CYP2F1: variants seen among roughly 807,000 people sequenced by gnomAD.
CYP2F1 encodes cytochrome P450 2F1.
A neutral mutation model predicts 40.4 loss-of-function variants in CYP2F1; 33 were observed. The observed-to-expected ratio is 0.82, with a 90% CI of 0.62 to 1.09. The LOEUF (loss-of-function observed/expected upper bound fraction) is 1.09. Among genes scored for constraint, CYP2F1 ranks in the 50% least tolerant of loss-of-function variants. The pLI is 0.00. For missense variants in CYP2F1, 566 were observed against 655.7 expected (o/e 0.86, Z 1.49); for synonymous variants, 235 against 277.2 (o/e 0.85, Z 1.51).
At chr19:41,116,959 A>C (rs115929659) in intron 3 of CYP2F1, among the ~76,000 whole-genome samples, 2,065 of 151,816 alleles carry the variant, frequency 0.014, 41 homozygotes, top group African/African-American at 0.039. Flanking sequence ...ACCTCAACCC[A>C]ATCCCAGTCC....
chr19:41,123,777 G>A (rs1240913287), intron 7 of CYP2F1, among the ~76,000 whole-genome samples: 1 of 152,082 alleles, frequency 6.6e-6, no homozygotes, highest in Non-Finnish European at 1.5e-5. Context: ...TCTCACCTTG[G>A]CCTCCCAAAG....
chr19:41,120,433 A>G lies in CYP2F1; in HGVS notation c.421A>G (p.Ser141Gly). 2.5e-6 allele frequency: 4 copies of G among 1,614,076 alleles called. No individual in the cohort carries two copies. Among genetic ancestry groups the G allele is most frequent in the Non-Finnish European group, 3.4e-6 (4 of 1,179,972 alleles). Residue 141 changes from serine (S) to glycine (G), a missense_variant, in exon 4 of 10, where the codon AGC becomes GGC. This residue lies in a region of CYP2F1 where 264 missense variants were observed against 275.7 expected (regional missense o/e 0.96). Coordinates refer to ENST00000331105, the MANE Select transcript of CYP2F1 (RefSeq NM_000774.5). ...ACGGAATTTCGGGATGGGGAAGAGA[A>G]GCATTGAGGAGCGAATCCTAGAGGA... ...ILRNFGMGKR[S>G]IEERILEEGS... is the part of the protein sequence containing the mutation.
intron 9 of CYP2F1, among the ~76,000 whole-genome samples, chr19:41,127,523 G>A (rs2032590430): frequency 6.6e-6 from 1 of 151,974 alleles, no homozygotes. Context: ...TTGTAGAGAT[G>A]GGATCTTGCT....
chr19:41,119,766 C>T (rs2032070868), intron 3 of CYP2F1, among the ~76,000 whole-genome samples: 3 of 131,460 alleles, frequency 2.3e-5, no homozygotes, highest in Admixed American at 8.1e-5. Context: ...CACACACACA[C>T]ACACACACAC....
At chr19:41,123,177 G>A (rs531832836) in intron 7 of CYP2F1, 8 of 684,274 alleles carry the variant, frequency 1.2e-5, no homozygotes, top group African/African-American at 7.0e-5. Context: ...GATCCCACCC[G>A]CTTAATTGTT....
intron 4 of CYP2F1, 129 bp downstream of exon 4, chr19:41,120,625 G>A: frequency 9.8e-7 from 1 of 1,022,612 alleles, no homozygotes; most frequent in Non-Finnish European, 1.5e-6. Context: ...GGTACTTCAG[G>A]TGTGCTCCAC....
At chr19:41,127,547 T>G (rs569197765) in intron 9 of CYP2F1, among the ~76,000 whole-genome samples, 1 of 152,260 alleles carries the variant, frequency 6.6e-6, no homozygotes, top group East Asian at 1.9e-4. Context: ...TTGCCCAGGC[T>G]GCTCTCAAAC....
rs528370692 is a variant in CYP2F1 at position 41,120,907 on chromosome 19, G to A, written c.484+411G>A. On this transcript the variant is annotated intron_variant, in intron 4 of 9. Transcript: ENST00000331105. ...GTGATCTCAGCTCATTGCAACCTCC[G>A]CCTCCTGAGTTCAAGCGATTCTGCT... Among the ~76,000 whole-genome samples the A allele has an allele frequency of 7.3e-5, 11 of 151,508 alleles. No homozygotes were observed. In the South Asian group the frequency reaches 1.9e-3, roughly 26 times the overall value.
At chr19:41,116,673 G>A (rs1204559891) in intron 3 of CYP2F1, 56 bp downstream of exon 3, 2 of 1,574,600 alleles carry the variant, frequency 1.3e-6, no homozygotes, top group Non-Finnish European at 1.7e-6. Context: ...GAGGGAGGGG[G>A]TGAGGGTGAG....
At chr19:41,126,516 C>T (rs1040986567) in intron 9 of CYP2F1, among the ~76,000 whole-genome samples, 2 of 152,060 alleles carry the variant, frequency 1.3e-5, no homozygotes, top group African/African-American at 4.8e-5. Context: ...CTTTGGGAGG[C>T]TGAGGCGGGA....
intron 2 of CYP2F1, 27 bp downstream of exon 2, chr19:41,116,386 G>A (rs1431261327): frequency 9.3e-6 from 15 of 1,612,072 alleles, no homozygotes; most frequent in Non-Finnish European, 1.3e-5. Flanking sequence ...TTGGGTGATG[G>A]TGGAAGGATA....
At position 41,122,899 on chromosome 19, in the gene CYP2F1, C is replaced by G. The variant is rs2032312894; in HGVS notation, c.900C>G (p.Thr300=). ...MTTHNLLFGG[T]KTVSTTLHHA... ...CACATAACCTGCTCTTTGGCGGCACCAAGACGGTGAGCACCACGCTGCACC... is the reference window on the plus strand; with the variant it reads ...CACATAACCTGCTCTTTGGCGGCACGAAGACGGTGAGCACCACGCTGCACC... Residue 300 remains threonine, a synonymous_variant, in exon 7 of 10, where the codon ACC becomes ACG. Coordinates refer to ENST00000331105, the MANE Select transcript of CYP2F1 (RefSeq NM_000774.5). 1 of 1,606,796 alleles carries G rather than the reference C, an allele frequency of 6.2e-7. No homozygotes were observed. The highest frequency in any genetic ancestry group is 8.5e-7 in the Non-Finnish European group (1 of 1,175,916).
intron 7 of CYP2F1, among the ~76,000 whole-genome samples, chr19:41,123,881 C>T (rs1343073154): frequency 3.9e-5 from 6 of 152,092 alleles, no homozygotes; most frequent in Non-Finnish European, 7.4e-5. Context: ...CGTCCACCTC[C>T]GGCTTCAGAG....
intron 7 of CYP2F1, among the ~76,000 whole-genome samples, chr19:41,124,207 C>T (rs2032393813): frequency 6.6e-6 from 1 of 150,674 alleles, no homozygotes; most frequent in Non-Finnish European, 1.5e-5. Context: ...GACCCACTTC[C>T]TCCCAGACCC....
rs71896870 is a variant in CYP2F1, at chr19:41,117,830, C to CTTTATTTATTTA, written c.334+1237_334+1248dup. On this transcript the variant is annotated intron_variant, in intron 3 of 9. Coordinates refer to ENST00000331105, the MANE Select transcript of CYP2F1 (RefSeq NM_000774.5). ...TCACCCTAGTCCTGTGGTCTTCAAA[C>CTTTATTTATTTA]TTTATTTATTTATTTATTTATTTAT... 1.4e-4 allele frequency among the ~76,000 whole-genome samples: 21 copies of CTTTATTTATTTA among 149,670 alleles called. 1 individual carries two copies. The highest frequency in any genetic ancestry group is 4.4e-4 in the African/African-American group (18 of 40,486).
In CYP2F1 at chr19:41,121,544, G is replaced by C. The variant is rs540391559; in HGVS notation, c.571G>C (p.Asp191His). 2.5e-6 allele frequency: 4 copies of C among 1,609,898 alleles called. No homozygotes were observed. The East Asian group carries it at 9.0e-5, about 36-fold the overall frequency. The change falls in exon 5 of 10, where the codon GAT becomes CAT. Residue 191 changes from aspartate (D) to histidine (H), a missense_variant. By Grantham distance (81) the Asp-to-His change is moderately conservative (BLOSUM62 -1). Coordinates refer to ENST00000331105, the MANE Select transcript of CYP2F1 (RefSeq NM_000774.5). ...SVLFGSRFDY[D>H]DERLLTIIRL... ...GCTCTTCGGCAGCCGCTTCGACTAT[G>C]ATGATGAGCGTCTGCTCACCATTAT...
intron 9 of CYP2F1, among the ~76,000 whole-genome samples, chr19:41,126,847 T>A (rs2032564260): frequency 6.6e-6 from 1 of 152,180 alleles, no homozygotes; most frequent in Non-Finnish European, 1.5e-5. Context: ...TGTTTACCTC[T>A]CCACTGGGTG....
intron 4 of CYP2F1, 107 bp from the exon 5 acceptor site, chr19:41,121,351 C>T: frequency 2.6e-6 from 3 of 1,146,154 alleles, no homozygotes; most frequent in South Asian, 2.9e-5. Flanking sequence ...CCGTAAGACA[C>T]GTTGCCATGG....
intron 1 of CYP2F1, among the ~76,000 whole-genome samples, chr19:41,115,262 C>T (rs564191992): frequency 6.6e-6 from 1 of 152,248 alleles, no homozygotes; most frequent in Non-Finnish European, 1.5e-5. Flanking sequence ...CTCTCTCTGT[C>T]CCTCTTACCC....
Sources: allele counts gnomAD v4.1 joint callset (sites outside exome capture counted in the v4.1 genomes callset), GRCh38; gene constraint gnomAD v4.1.1; regional missense constraint gnomAD v4.1.1; transcripts MANE v1.5; gene names NCBI Gene and HGNC (gene_info 2026-07-23, HGNC 2026-07-21).